Variants in RNF38 observed in about 807,000 individuals in gnomAD.
RNF38 encodes E3 ubiquitin-protein ligase RNF38.
RNF38 carries 15 observed loss-of-function variants against 67.2 expected under a neutral mutation model. The observed-to-expected ratio is 0.22, with a 90% CI of 0.15 to 0.34. The LOEUF (loss-of-function observed/expected upper bound fraction) is 0.34. Among genes scored for constraint, RNF38 ranks in the 10% least tolerant of loss-of-function variants. RNF38 has a pLI of 1.00. For synonymous variants in RNF38, 220 were observed against 218.8 expected (o/e 1.01, Z -0.05); for missense variants, 524 against 639.9 (o/e 0.82, Z 1.95).
At chr9:36,377,230 G>A (rs1294240244) in intron 2 of RNF38, among the ~76,000 whole-genome samples, 3 of 152,124 alleles carry the variant, frequency 2.0e-5, no homozygotes, top group African/African-American at 4.8e-5. Context: ...CTAATAGAAC[G>A]TCTATCTCCA....
chr9:36,449,354 C>G (rs771035821), intron 1 of RNF38, among the ~76,000 whole-genome samples: 27 of 151,984 alleles, frequency 1.8e-4, no homozygotes, highest in Non-Finnish European at 3.8e-4. Context: ...TCACTTGAGC[C>G]CAGGAGTCTG....
intron 2 of RNF38, among the ~76,000 whole-genome samples, chr9:36,411,146 A>T (rs1222664510): frequency 6.6e-6 from 1 of 151,694 alleles, no homozygotes; most frequent in African/African-American, 2.4e-5. Context: ...ATAACTCCTA[A>T]AACTGAACAG....
chr9:36,348,387 CGCTTGA>C (rs1833456124), intron 9 of RNF38, among the ~76,000 whole-genome samples: 1 of 151,858 alleles, frequency 6.6e-6, no homozygotes, highest in Non-Finnish European at 1.5e-5. Flanking sequence ...GTGGGAGAAT[CGCTTGA>C]GCCTGGGAGG....
At chr9:36,390,334 A>T in intron 2 of RNF38, 133 bp downstream of exon 2, 1 of 718,240 alleles carries the variant, frequency 1.4e-6, no homozygotes, top group Non-Finnish European at 2.1e-6. Flanking sequence ...AAAGTCCTCT[A>T]AGAAGAATAC....
intron 1 of RNF38, among the ~76,000 whole-genome samples, chr9:36,393,522 T>TGTGTGGGG (rs57164047): frequency 2.4e-5 from 3 of 124,498 alleles, no homozygotes; most frequent in Non-Finnish European, 5.2e-5. Flanking sequence ...TGTGTGTGTG[T>TGTGTGGGG]GGGGCAGGCA....
chr9:36,411,392 T>G (rs1449401546), intron 2 of RNF38, among the ~76,000 whole-genome samples: 1 of 152,128 alleles, frequency 6.6e-6, no homozygotes, highest in African/African-American at 2.4e-5. Context: ...TGAATTACCA[T>G]ATGATCTAGC....
chr9:36,384,707 T>C (rs546952695), intron 2 of RNF38, among the ~76,000 whole-genome samples: 1 of 152,388 alleles, frequency 6.6e-6, no homozygotes, highest in African/African-American at 2.4e-5. Context: ...TGGGAATTTC[T>C]CACTTTATGT....
At chr9:36,350,980 C>T in intron 9 of RNF38, 135 bp downstream of exon 9, 1 of 676,604 alleles carries the variant, frequency 1.5e-6, no homozygotes, top group Non-Finnish European at 2.6e-6. Context: ...TTATGTGTGG[C>T]CCAACACAGT....
chr9:36,413,981 T>C (rs912130953), intron 2 of RNF38, among the ~76,000 whole-genome samples: 4 of 152,228 alleles, frequency 2.6e-5, no homozygotes, highest in Non-Finnish European at 4.4e-5. Flanking sequence ...CATTACATAA[T>C]GTCCCTCCTT....
rs549403851 is a variant in RNF38, at chr9:36,361,364, C to T, written c.571-3422G>A. Among the ~76,000 whole-genome samples the T allele has an allele frequency of 1.5e-3, 224 of 150,866 alleles. 2 individuals carry two copies. The highest frequency in any genetic ancestry group is 1.4e-3 in the Non-Finnish European group (98 of 67,872). ...TTTTTTAGTAGAGACAGGGTTTCAC[C>T]GTGTTAGCCAGGATGGTCTCGATCT... On this transcript the variant is annotated intron_variant, in intron 4 of 11. Coordinates refer to ENST00000259605, the MANE Select transcript of RNF38 (RefSeq NM_022781.5).
In RNF38 at chr9:36,470,163, G is replaced by C. The variant is rs143835953; in HGVS notation, n.241+17145C>G. Among the ~76,000 whole-genome samples, 1,320 of 152,198 alleles carry C rather than the reference G, an allele frequency of 8.7e-3. 18 individuals carry two copies. Among genetic ancestry groups the C allele is most frequent in the African/African-American group, 0.03 (1,238 of 41,508 alleles). On this transcript the variant is annotated intron_variant and non_coding_transcript_variant, in intron 1 of 3. Coordinates refer to the RNF38 transcript ENST00000488058. ...ATCTGCAGGCCCCACCCAGTGAGGT[G>C]AATCAAAAGCACTGGTGGGGGTGTC...
At chr9:36,349,980 C>T (rs10733477) in intron 9 of RNF38, among the ~76,000 whole-genome samples, 143,860 of 152,172 alleles carry the variant, frequency 0.95, 68,481 homozygotes, top group East Asian at 1. Flanking sequence ...CACCACGCCT[C>T]GCTAATTTTA....
intron 1 of RNF38, among the ~76,000 whole-genome samples, chr9:36,465,189 A>G (rs950345943): frequency 6.6e-6 from 1 of 152,242 alleles, no homozygotes; most frequent in Non-Finnish European, 1.5e-5. Flanking sequence ...ACAACCTTAA[A>G]AAACAGCACG....
At chr9:36,371,140 A>C (rs1835348883) in intron 3 of RNF38, among the ~76,000 whole-genome samples, 1 of 152,184 alleles carries the variant, frequency 6.6e-6, no homozygotes, top group Admixed American at 6.5e-5. Context: ...TCTCCCTTCT[A>C]GGAAGAACTC....
chr9:36,459,790 C>CA (rs914715679), intron 1 of RNF38, among the ~76,000 whole-genome samples: 2 of 152,028 alleles, frequency 1.3e-5, no homozygotes, highest in Non-Finnish European at 2.9e-5. Flanking sequence ...CTTCTACTGT[C>CA]ATGTACAATA....
intron 1 of RNF38, among the ~76,000 whole-genome samples, chr9:36,398,426 A>T (rs542555805): frequency 8.5e-4 from 130 of 152,256 alleles, no homozygotes; most frequent in African/African-American, 2.8e-3. Context: ...TTAAAAAAAA[A>T]TTTTTTTAAT....
chr9:36,435,482 T>C (rs963934097), intron 1 of RNF38, among the ~76,000 whole-genome samples: 1 of 152,196 alleles, frequency 6.6e-6, no homozygotes, highest in Non-Finnish European at 1.5e-5. Flanking sequence ...TTTATATTAT[T>C]CTGTGAAGTC....
Position 36,357,835 on chromosome 9 carries a change from G to A in RNF38, c.678C>T (p.Val226=), listed in dbSNP as rs1834243138. The part of the protein sequence containing the change: ...QHIPACSTQQ[V]PGCSVVFSGQ... ...CACTGAAAACCACAGAGCATCCTGG[G>A]ACCTGCTGTGTACTACAAGCAGGGA... Residue 226 remains valine (V), a synonymous_variant, in exon 5 of 12, where the codon GTC becomes GTT. Coordinates refer to ENST00000259605, the MANE Select transcript of RNF38 (RefSeq NM_022781.5). 1 of 1,613,596 alleles carries A rather than the reference G, an allele frequency of 6.2e-7. No homozygotes were observed. The highest frequency in any genetic ancestry group is 2.2e-5 in the East Asian group (1 of 44,882).
intron 1 of RNF38, among the ~76,000 whole-genome samples, chr9:36,481,325 T>C (rs1840257435): frequency 6.6e-6 from 1 of 152,172 alleles, no homozygotes; most frequent in African/African-American, 2.4e-5. Context: ...GTGATAGCTT[T>C]TGATAGCGTA....
Sources: allele counts gnomAD v4.1 joint callset (sites outside exome capture counted in the v4.1 genomes callset), GRCh38; gene constraint gnomAD v4.1.1; transcripts MANE v1.5; gene names NCBI Gene and HGNC (gene_info 2026-07-23, HGNC 2026-07-21).